Variants in PPP1R12C observed in about 807,000 individuals in gnomAD.
PPP1R12C encodes the protein protein phosphatase 1 regulatory subunit 12C.
PPP1R12C carries 48 observed loss-of-function variants against 95.6 expected under a neutral mutation model. That is an observed-to-expected ratio of 0.50 (90% CI 0.40 to 0.64). The LOEUF (loss-of-function observed/expected upper bound fraction) is 0.64. Ranked by LOEUF, PPP1R12C falls within the 30% of genes least tolerant of loss-of-function variation. PPP1R12C has a pLI of 0.00. For synonymous variants in PPP1R12C, 480 were observed against 460.8 expected, an observed-to-expected ratio of 1.04 and a Z score of -0.53; for missense variants, 1,057 against 1,083.3, an observed-to-expected ratio of 0.98 and a Z score of 0.34.
Position 55,092,488 on chromosome 19 carries a change from G to A in PPP1R12C, c.2009C>T (p.Pro670Leu), listed in dbSNP as rs745562251. ...CTCTTCCGATTCTGGCTCAGGTTCT[G>A]GGTTGAGGTCCCGCTGCCACCGCTG... ...RRQRWQRDLN[P>L]EPEPESEEPD... The change falls in exon 18 of 22, where the codon CCA (proline) becomes CTA (leucine). Residue 670 changes from proline to leucine, a missense_variant. This residue lies in a region of PPP1R12C where 347 missense variants were observed against 307.9 expected (regional missense o/e 1.13). Transcript: ENST00000263433. 3 of 1,610,134 alleles carry A rather than the reference G, an allele frequency of 1.9e-6. No homozygotes were observed. The highest frequency in any genetic ancestry group is 2.2e-5 in the East Asian group (1 of 44,744).
At chr19:55,110,029 G>A (rs1395282812) in intron 3 of PPP1R12C, among the ~76,000 whole-genome samples, 2 of 152,276 alleles carry the variant, frequency 1.3e-5, no homozygotes, top group Admixed American at 1.3e-4. Context: ...CCCACGGGAG[G>A]GAAGAAGCAT....
rs762056914 is a variant in PPP1R12C, at chr19:55,095,327, G to A, written c.1418C>T (p.Pro473Leu). 7 of 1,591,030 alleles carry A rather than the reference G, an allele frequency of 4.4e-6. No individual in the cohort carries two copies. The highest frequency in any genetic ancestry group is 3.4e-5 in the South Asian group (3 of 87,400). Residue 473 changes from proline (P) to leucine (L), a missense_variant, in exon 11 of 22, where the codon CCG becomes CTG. Around this residue, in one of 5 missense-constraint regions of PPP1R12C, gnomAD observed 356 missense variants for 330.5 expected, o/e 1.08. Transcript: ENST00000263433. ...CTCCGGCAGCTTCGGGGAGGGGGTCGGGGTAATTCTGGCAAGACGGAGCTC... is the reference window on the plus strand; with the variant it reads ...CTCCGGCAGCTTCGGGGAGGGGGTCAGGGTAATTCTGGCAAGACGGAGCTC... ...AKELRLARITPTPSPKLPEPS... is the reference protein window; with the variant it reads ...AKELRLARITLTPSPKLPEPS...
chr19:55,112,592 G>T lies in PPP1R12C; in HGVS notation c.453-7C>A. On this transcript the variant is annotated splice_polypyrimidine_tract_variant and splice_region_variant and intron_variant, in intron 2 of 21. Coordinates refer to ENST00000263433, the MANE Select transcript of PPP1R12C (RefSeq NM_017607.4). ...CCCGTGGCTCAGGAGGTACCTGGGGGTGGGGGCTGGTCAGGGCTGAGGGTC... is the reference window on the plus strand; with the variant it reads ...CCCGTGGCTCAGGAGGTACCTGGGGTTGGGGGCTGGTCAGGGCTGAGGGTC... 6.2e-7 allele frequency: 1 copy of T among 1,613,134 alleles called. No individual in the cohort carries two copies. The highest frequency in any genetic ancestry group is 8.5e-7 in the Non-Finnish European group (1 of 1,179,556).
chr19:55,104,588 A>C (rs1034695568), intron 3 of PPP1R12C, among the ~76,000 whole-genome samples: 1 of 151,562 alleles, frequency 6.6e-6, no homozygotes, highest in Non-Finnish European at 1.5e-5. Context: ...CTGTAATCCC[A>C]GTTACTTGGG....
chr19:55,108,071 G>T (rs2085057763), intron 3 of PPP1R12C, among the ~76,000 whole-genome samples: 1 of 151,510 alleles, frequency 6.6e-6, no homozygotes, highest in Non-Finnish European at 1.5e-5. Flanking sequence ...GAGTAGCTGG[G>T]ACTATAGGTG....
intron 3 of PPP1R12C, 74 bp from the exon 4 acceptor site, chr19:55,103,642 G>A (rs1465610532): frequency 6.5e-6 from 9 of 1,383,406 alleles, no homozygotes; most frequent in Non-Finnish European, 7.7e-6. Flanking sequence ...CACTGGGCTG[G>A]CCAGGGTTCA....
intron 4 of PPP1R12C, among the ~76,000 whole-genome samples, chr19:55,100,643 C>T (rs2084970230): frequency 6.6e-6 from 1 of 152,224 alleles, no homozygotes; most frequent in South Asian, 2.1e-4. Flanking sequence ...GACGGAGTCT[C>T]ACACTGTCAC....
At chr19:55,098,223 CAT>C (rs1357054913) in intron 6 of PPP1R12C, among the ~76,000 whole-genome samples, 17 of 152,208 alleles carry the variant, frequency 1.1e-4, no homozygotes, top group Admixed American at 1.1e-3. Flanking sequence ...CATGACCCCT[CAT>C]ACAGTTGCGC....
At chr19:55,106,105 T>A (rs2085035693) in intron 3 of PPP1R12C, among the ~76,000 whole-genome samples, 1 of 152,222 alleles carries the variant, frequency 6.6e-6, no homozygotes, top group South Asian at 2.1e-4. Flanking sequence ...TCCCTAGCAG[T>A]CTCCCGCTCC....
intron 3 of PPP1R12C, among the ~76,000 whole-genome samples, chr19:55,104,117 C>G (rs2085007849): frequency 7.3e-6 from 1 of 136,484 alleles, no homozygotes; most frequent in Non-Finnish European, 1.5e-5. Context: ...GAGCTGAGAT[C>G]ACGCCACTGC....
At position 55,112,448 on chromosome 19, in the gene PPP1R12C, A is replaced by C. The variant is rs1487678295; in HGVS notation, c.571+19T>G. On this transcript the variant is annotated intron_variant, in intron 3 of 21. Transcript: ENST00000263433. ...TGAGGAGGTGTCCCCCACCCCACAC[A>C]CAGCACACCAGAGCCCACCTCGGCG... 1.2e-6 allele frequency: 2 copies of C among 1,602,862 alleles called. No individual in the cohort carries two copies. The highest frequency in any genetic ancestry group is 2.2e-5 in the East Asian group (1 of 44,718).
chr19:55,095,035 G>A (rs1017062305), intron 11 of PPP1R12C: 2 of 679,706 alleles, frequency 2.9e-6, no homozygotes, highest in Non-Finnish European at 2.5e-6. Flanking sequence ...GAGGGTGTGC[G>A]TGTGCGGACG....
chr19:55,108,888 TAG>T (rs1418057862), intron 3 of PPP1R12C, among the ~76,000 whole-genome samples: 5 of 152,066 alleles, frequency 3.3e-5, no homozygotes, highest in Non-Finnish European at 7.4e-5. Context: ...GTATTTTTAG[TAG>T]AGACAGAGTT....
intron 3 of PPP1R12C, chr19:55,112,078 C>G (rs372126909): frequency 1.1e-5 from 2 of 181,590 alleles, no homozygotes; most frequent in African/African-American, 4.7e-5. Context: ...GCAACCCCTG[C>G]ATGCCCCTAC....
rs1287756612 is a variant in PPP1R12C, at chr19:55,117,568, C to G, written c.-25G>C. On this transcript the variant is annotated 5_prime_UTR_variant, in exon 1 of 22. Coordinates refer to ENST00000263433, the MANE Select transcript of PPP1R12C (RefSeq NM_017607.4). The stretch of plus-strand genomic sequence containing the variant: ...TCGCACCGCCCGCCCGCCCAGCGAG[C>G]GAGCGAGCGCCGAGCCCCAACCGCC... The G allele has an allele frequency of 1.0e-6, 1 of 991,236 alleles. No individual in the cohort carries two copies. The highest frequency in any genetic ancestry group is 1.2e-6 in the Non-Finnish European group (1 of 834,594). 61.4% of individuals were successfully genotyped at this position (991,236 alleles called of 1,614,324 possible).
At chr19:55,107,935 C>CTTTTTTT (rs34454787) in intron 3 of PPP1R12C, among the ~76,000 whole-genome samples, 4 of 134,730 alleles carry the variant, frequency 3.0e-5, no homozygotes, top group African/African-American at 1.1e-4. Flanking sequence ...AATTTACCAT[C>CTTTTTTT]TTTTTTTTTT....
At position 55,098,667 on chromosome 19, in the gene PPP1R12C, G is replaced by A. The variant is rs2084948592; in HGVS notation, c.951+117C>T. 11 of 1,272,942 alleles carry A rather than the reference G, an allele frequency of 8.6e-6. No individual in the cohort carries two copies. In the African/African-American group the frequency reaches 1.0e-4, roughly 12 times the overall value. 78.9% of individuals were successfully genotyped at this position (1,272,942 alleles called of 1,614,324 possible). ...GGGCTGGGTCACCAAGAGGGAAATA[G>A]CAGGTCGCTGGGGTGGTGGGTGTCA... On this transcript the variant is annotated intron_variant, in intron 6 of 21. Coordinates refer to ENST00000263433, the MANE Select transcript of PPP1R12C (RefSeq NM_017607.4).
chr19:55,091,946 G>A (rs1324381928), intron 19 of PPP1R12C, 37 bp from the exon 20 acceptor site: 25 of 1,611,014 alleles, frequency 1.6e-5, no homozygotes, highest in Non-Finnish European at 2.0e-5. Flanking sequence ...GTCAGCAGAA[G>A]AAGCCAGCAC....
At chr19:55,112,644 C>G (rs372266549) in intron 2 of PPP1R12C, 21 bp downstream of exon 2, 3 of 1,613,214 alleles carry the variant, frequency 1.9e-6, no homozygotes, top group Non-Finnish European at 2.5e-6. Context: ...CCAGGTCCTG[C>G]CCGGCCCTCC....
Sources: allele counts gnomAD v4.1 joint callset (sites outside exome capture counted in the v4.1 genomes callset), GRCh38; gene constraint gnomAD v4.1.1; regional missense constraint gnomAD v4.1.1; transcripts MANE v1.5; gene names NCBI Gene and HGNC (gene_info 2026-07-23, HGNC 2026-07-21).